UBE2L3: variants seen among roughly 807,000 people sequenced by gnomAD.
UBE2L3 encodes the protein ubiquitin conjugating enzyme E2 L3, also known as ubiquitin-conjugating enzyme E2 L3.
Under a neutral mutation model 17.8 loss-of-function variants are expected in UBE2L3, and 1 was observed. The observed-to-expected ratio is 0.06, with a 90% confidence interval of 0.02 to 0.27. The LOEUF is 0.27. UBE2L3 is among the 10% of genes least tolerant of loss of function. The pLI is 1.00. For synonymous variants in UBE2L3, 44 were observed against 68.5 expected, an observed-to-expected ratio of 0.64 and a Z score of 1.76; for missense variants, 40 against 192.6, an observed-to-expected ratio of 0.21 and a Z score of 4.69.
upstream of UBE2L3, among the ~76,000 whole-genome samples, chr22:21,565,074 T>C (rs1268987869): frequency 3.3e-5 from 5 of 151,944 alleles, no homozygotes; most frequent in Admixed American, 6.6e-5. Context: ...AGGCCAGCCT[T>C]ATTCCAGGAT....
chr22:21,583,471 C>T (rs1927755215), intron 1 of UBE2L3, among the ~76,000 whole-genome samples: 1 of 152,194 alleles, frequency 6.6e-6, no homozygotes, highest in Non-Finnish European at 1.5e-5. Context: ...TACATTGTAC[C>T]AGTGTCCTTG....
chr22:21,561,829 C>T (rs1055021487), intron 1 of UBE2L3, among the ~76,000 whole-genome samples: 35 of 152,350 alleles, frequency 2.3e-4, no homozygotes, highest in African/African-American at 7.7e-4. Context: ...GCCTCACCTG[C>T]ATGCTCTAGA....
At chr22:21,568,615 G>T (rs2266959) in intron 1 of UBE2L3, among the ~76,000 whole-genome samples, 28,107 of 152,066 alleles carry the variant, frequency 0.18, 3,455 homozygotes, top group East Asian at 0.41. Context: ...TTTTGGTGAG[G>T]AACACATGCT....
At chr22:21,593,513 T>TC (rs1457702114) in intron 2 of UBE2L3, among the ~76,000 whole-genome samples, 1 of 151,824 alleles carries the variant, frequency 6.6e-6, no homozygotes, top group Non-Finnish European at 1.5e-5. Context: ...ACAGCCCAGC[T>TC]CCCCCATCTC....
chr22:21,599,171 G>C (rs1046061607), intron 2 of UBE2L3, among the ~76,000 whole-genome samples: 1 of 152,018 alleles, frequency 6.6e-6, no homozygotes, highest in Non-Finnish European at 1.5e-5. Flanking sequence ...CACGCCCTCC[G>C]GATGCCTCAT....
At chr22:21,579,274 G>C (rs1359186257) in intron 1 of UBE2L3, among the ~76,000 whole-genome samples, 1 of 152,064 alleles carries the variant, frequency 6.6e-6, no homozygotes, top group Non-Finnish European at 1.5e-5. Flanking sequence ...TTACAGGCGT[G>C]AGCCACCATG....
intron 1 of UBE2L3, chr22:21,568,237 C>G (rs1410580838): frequency 2.6e-5 from 26 of 988,036 alleles, no homozygotes; most frequent in Non-Finnish European, 2.9e-5. Flanking sequence ...CCGGCCGCAG[C>G]TCGGGAGTCT....
At position 21,589,463 on chromosome 22, in the gene UBE2L3, CTAAA is replaced by C. The variant is rs1928142415; in HGVS notation, c.28-3395_28-3392del. Among the ~76,000 whole-genome samples the C allele has an allele frequency of 8.5e-5, 13 of 152,254 alleles. No individual in the cohort carries two copies. The South Asian group carries it at 2.3e-3, about 27-fold the overall frequency. On this transcript the variant is annotated intron_variant, in intron 1 of 3. Coordinates refer to ENST00000342192, the MANE Select transcript of UBE2L3 (RefSeq NM_003347.4). ...CGCCCGGCATGATTGGCATTTTGGG[CTAAA>C]TAGTTTCTGTCCACAGGACCGTCTT... is the stretch of plus-strand genomic sequence containing the variant.
chr22:21,601,903 C>T (rs898158178), intron 2 of UBE2L3, among the ~76,000 whole-genome samples: 10 of 146,548 alleles, frequency 6.8e-5, no homozygotes, highest in South Asian at 2.2e-4. Context: ...ACCCGGGAGG[C>T]GGAGCTTGCA....
chr22:21,618,623 G>A (rs1234235453), intron 3 of UBE2L3, among the ~76,000 whole-genome samples: 1 of 150,640 alleles, frequency 6.6e-6, no homozygotes, highest in Non-Finnish European at 1.5e-5. Flanking sequence ...GGGTCTTGCT[G>A]TGTCACTCAG....
intron 2 of UBE2L3, among the ~76,000 whole-genome samples, chr22:21,593,303 C>A (rs1439314626): frequency 2.6e-5 from 4 of 152,180 alleles, no homozygotes; most frequent in African/African-American, 9.7e-5. Flanking sequence ...AGGGGACAAG[C>A]ATTCCCCTCT....
At chr22:21,585,276 A>G (rs963104625) in intron 1 of UBE2L3, among the ~76,000 whole-genome samples, 2 of 152,236 alleles carry the variant, frequency 1.3e-5, no homozygotes, top group East Asian at 3.9e-4. Context: ...TCAGTTTTTC[A>G]TGCTGCTGCT....
upstream of UBE2L3, among the ~76,000 whole-genome samples, chr22:21,563,844 G>A (rs968028943): frequency 1.3e-5 from 2 of 151,564 alleles, no homozygotes; most frequent in African/African-American, 4.8e-5. Context: ...CAAAGTGCTG[G>A]GATTACAGGT....
chr22:21,603,256 G>A (rs1006786795), intron 2 of UBE2L3, among the ~76,000 whole-genome samples: 11 of 152,020 alleles, frequency 7.2e-5, no homozygotes, highest in East Asian at 1.9e-4. Context: ...GGCCGGGTGC[G>A]GTGGCTCACA....
At chr22:21,615,814 A>G (rs1307406936) in intron 3 of UBE2L3, among the ~76,000 whole-genome samples, 1 of 152,236 alleles carries the variant, frequency 6.6e-6, no homozygotes, top group Non-Finnish European at 1.5e-5. Context: ...GTGGTTGAAC[A>G]GTGCGATGCC....
intron 1 of UBE2L3, among the ~76,000 whole-genome samples, chr22:21,558,585 A>C (rs1330145637): frequency 2.0e-5 from 3 of 150,994 alleles, no homozygotes; most frequent in African/African-American, 7.3e-5. Context: ...GAGCCAAGAT[A>C]GCACCACTGC....
chr22:21,621,407 C>A, intron 3 of UBE2L3, 108 bp from the exon 4 acceptor site: 1 of 1,365,012 alleles, frequency 7.3e-7, no homozygotes, highest in Non-Finnish European at 9.8e-7. Context: ...AGCACATTAG[C>A]TGTAAATCAG....
chr22:21,564,555 G>A (rs1445115713), upstream of UBE2L3, among the ~76,000 whole-genome samples: 1 of 152,168 alleles, frequency 6.6e-6, no homozygotes, highest in South Asian at 2.1e-4. Context: ...GTAGCTCAGC[G>A]GCTTGACTCC....
intron 1 of UBE2L3, among the ~76,000 whole-genome samples, chr22:21,575,775 C>T (rs1435337295): frequency 2.0e-5 from 3 of 149,494 alleles, no homozygotes; most frequent in African/African-American, 7.4e-5. Flanking sequence ...TCCCGAGTAG[C>T]TGGAACTACA....
Sources: gnomAD v4.1 joint callset for allele counts (sites outside exome capture counted in the v4.1 genomes callset) on GRCh38, gnomAD v4.1.1 for gene constraint, MANE v1.5 for transcripts, NCBI Gene and HGNC (gene_info 2026-07-23, HGNC 2026-07-21) for gene names.